Variants in ENDOU observed in about 807,000 individuals in gnomAD.
ENDOU encodes the protein endonuclease, poly(U) specific.
ENDOU carries 49 observed loss-of-function variants against 54.2 expected under a neutral mutation model. The ratio of observed to expected loss-of-function variants is 0.90; its 90% CI spans 0.72 to 1.15. The LOEUF (loss-of-function observed/expected upper bound fraction) is 1.15, where lower values mean the gene tolerates loss of function less well. ENDOU is among the 50% of genes most tolerant of loss of function. The pLI is 0.00. For missense variants in ENDOU, 458 were observed against 511.4 expected (o/e 0.90, Z 1.01); for synonymous variants, 172 against 190.5 (o/e 0.90, Z 0.80).
chr12:47,724,869 G>T (rs747522624), intron 1 of ENDOU, among the ~76,000 whole-genome samples: 2 of 152,112 alleles, frequency 1.3e-5, no homozygotes, highest in Non-Finnish European at 2.9e-5. Context: ...CCTGGTCAAA[G>T]GTCCTTTCAG....
chr12:47,711,807 G>T (rs1399411214), intron 8 of ENDOU, 32 bp from the exon 9 acceptor site: 3 of 1,613,160 alleles, frequency 1.9e-6, no homozygotes, highest in Non-Finnish European at 2.5e-6. Context: ...AGGGGGTCTG[G>T]TGAGTGCCAC....
Position 47,713,302 on chromosome 12 carries a change from A to G in ENDOU, c.838T>C (p.Ser280Pro), listed in dbSNP as rs747065792. 4 of 1,613,252 alleles carry G rather than the reference A, an allele frequency of 2.5e-6. No individual in the cohort carries two copies. The highest frequency in any genetic ancestry group is 3.4e-6 in the Non-Finnish European group (4 of 1,179,218). ...GAGAAGACATGTTCAAAGCCACTCG[A>G]GTCCCCCTCTTCATTGCCTCTTGAA... is the stretch of plus-strand genomic sequence containing the variant. ...LYSRGNEEGD[S>P]SGFEHVFSGE... Residue 280 changes from serine (S) to proline (P), a missense_variant, in exon 7 of 10, where the codon TCG becomes CCG. Coordinates refer to ENST00000422538, the MANE Select transcript of ENDOU (RefSeq NM_001172439.2).
In ENDOU at chr12:47,710,772, C is replaced by A. The variant is rs377219240; in HGVS notation, c.*30G>T. The A allele has an allele frequency of 1.0e-5, 15 of 1,464,868 alleles. No homozygotes were observed. The East Asian group carries it at 3.2e-4, about 31-fold the overall frequency. The allele number at this position is 1,464,868 out of a possible 1,614,324, so 90.7% of individuals were successfully genotyped here. A position where few individuals can be genotyped will look rare whatever the true frequency, so the allele number is the denominator to read the frequency against. The stretch of plus-strand genomic sequence containing the variant: ...GATAGCACTTCAGTCTCGCAAGAGC[C>A]CTCATGCCCCTTTCTGGCTCGAAGT... On this transcript the variant is annotated 3_prime_UTR_variant, in exon 10 of 10. Coordinates refer to ENST00000422538, the MANE Select transcript of ENDOU (RefSeq NM_001172439.2).
intron 1 of ENDOU, among the ~76,000 whole-genome samples, chr12:47,723,330 A>C (rs559968083): frequency 2.1e-4 from 32 of 152,262 alleles, no homozygotes; most frequent in African/African-American, 7.2e-4. Flanking sequence ...ACTTTTCCTC[A>C]TAGGCACTTT....
At chr12:47,723,509 C>T (rs1940498789) in intron 1 of ENDOU, among the ~76,000 whole-genome samples, 1 of 152,220 alleles carries the variant, frequency 6.6e-6, no homozygotes, top group Admixed American at 6.5e-5. Context: ...CTCTGCCTCA[C>T]CTCTCTGACT....
rs759823766 is a variant in ENDOU at position 47,711,672 on chromosome 12, G to A, written c.1076C>T (p.Ala359Val). 14 of 1,614,002 alleles carry A rather than the reference G, an allele frequency of 8.7e-6. No homozygotes were observed. Among genetic ancestry groups the A allele is most frequent in the Admixed American group, 5.0e-5 (3 of 60,010 alleles). ...GGCGATGAAGCACAGGGAGTAGAGT[G>A]CAAACTCAAACTCAGGGCTGCTGCC... ...FIGSSPEFEF[A>V]LYSLCFIARP... The change falls in exon 9 of 10, where the codon GCA becomes GTA. Residue 359 changes from alanine (A) to valine (V), a missense_variant. Coordinates refer to ENST00000422538, the MANE Select transcript of ENDOU (RefSeq NM_001172439.2).
At chr12:47,720,204 AT>A (rs1324490827) in intron 2 of ENDOU, 1 of 152,218 alleles carries the variant, frequency 6.6e-6, no homozygotes, top group Non-Finnish European at 1.5e-5. Flanking sequence ...TCAAGTATTC[AT>A]TTAAAACTAT....
chr12:47,716,929 G>A lies in ENDOU; in HGVS notation c.512C>T (p.Pro171Leu), dbSNP rs779945426. 1.1e-5 allele frequency: 18 copies of A among 1,614,080 alleles called. No homozygotes were observed. Among genetic ancestry groups the A allele is most frequent in the Middle Eastern group, 3.3e-4 (2 of 6,072 alleles). The stretch of plus-strand genomic sequence containing the variant: ...ATCCACTTGGTTTCTGGTCTCTGAC[G>A]GGGAGATGCAGTTTTGGCTATTGAG... ...IVLNSQNCIS[P>L]SETRNQVDRC... is the part of the protein sequence containing the mutation. The change falls in exon 5 of 10, where the codon CCG becomes CTG. Residue 171 changes from proline to leucine, a missense_variant. Transcript: ENST00000422538.
rs144827405 is a variant in ENDOU, at chr12:47,717,522, G to T, written c.378C>A (p.Asp126Glu). ...CTAAGGGAGCAGAAGACTAACCGTG[G>T]TCACTACACAGGCTCTCAAAATCCT... is the stretch of plus-strand genomic sequence containing the variant. The part of the protein sequence containing the change: ...CCKDFESLCS[D>E]HEVSHSSDAI... Residue 126 changes from aspartate to glutamate, a missense_variant, in exon 4 of 10, where the codon GAC becomes GAA. Physicochemically the swap from Asp to Glu is conservative, Grantham distance 45. Transcript: ENST00000422538. 4.6e-5 allele frequency: 74 copies of T among 1,614,016 alleles called. No individual in the cohort carries two copies. The African/African-American group carries it at 8.7e-4, about 19-fold the overall frequency.
chr12:47,711,739 T>C lies in ENDOU; in HGVS notation c.1009A>G (p.Asn337Asp), dbSNP rs1412744584. ...ACTTCCTTATAGTAGCCGTCCCAGTTGAACTGCATTGCCAGCACATCGGGG... is the reference window on the plus strand; with the variant it reads ...ACTTCCTTATAGTAGCCGTCCCAGTCGAACTGCATTGCCAGCACATCGGGG... ...SYPDVLAMQF[N>D]WDGYYKEVGS... Residue 337 changes from asparagine (N) to aspartate (D), a missense_variant, in exon 9 of 10, where the codon AAC becomes GAC. Coordinates refer to ENST00000422538, the MANE Select transcript of ENDOU (RefSeq NM_001172439.2). 1 of 1,614,070 alleles carries C rather than the reference T, an allele frequency of 6.2e-7. No individual in the cohort carries two copies. Among genetic ancestry groups the C allele is most frequent in the East Asian group, 2.2e-5 (1 of 44,898 alleles).
chr12:47,724,958 G>A (rs894753287), intron 1 of ENDOU, among the ~76,000 whole-genome samples: 2 of 152,244 alleles, frequency 1.3e-5, no homozygotes, highest in Non-Finnish European at 2.9e-5. Flanking sequence ...CTGTCACCAG[G>A]CAGTGGAAGG....
chr12:47,716,458 G>T lies in ENDOU; in HGVS notation c.593C>A (p.Thr198Asn), dbSNP rs1565733570. ...YVNEKLFSKP[T>N]YAAFINLLNN... ...GAGGAGGTTGATGAAGGCTGCATAG[G>T]TGGGCTTGGAGAACAGCTTCTCATT... Residue 198 changes from threonine to asparagine, a missense_variant, in exon 6 of 10, where the codon ACC becomes AAC. Thr to Asn is a moderately conservative substitution (Grantham distance 65, BLOSUM62 0). Coordinates refer to ENST00000422538, the MANE Select transcript of ENDOU (RefSeq NM_001172439.2). 6.2e-7 allele frequency: 1 copy of T among 1,613,922 alleles called. No homozygotes were observed. Among genetic ancestry groups the T allele is most frequent in the Non-Finnish European group, 8.5e-7 (1 of 1,180,062 alleles).
intron 6 of ENDOU, among the ~76,000 whole-genome samples, chr12:47,714,756 G>T (rs765963979): frequency 2.6e-5 from 4 of 152,222 alleles, no homozygotes; most frequent in African/African-American, 4.8e-5. Flanking sequence ...ATATCAGTTA[G>T]ATAGCTAAGT....
intron 1 of ENDOU, among the ~76,000 whole-genome samples, chr12:47,724,440 C>T (rs972763338): frequency 1.3e-5 from 2 of 152,210 alleles, no homozygotes; most frequent in Non-Finnish European, 2.9e-5. Context: ...GGAAGTTTCT[C>T]CCAAGAAAAT....
Position 47,710,660 on chromosome 12 carries a change from GC to G in ENDOU, c.*141del. On this transcript the variant is annotated 3_prime_UTR_variant, in exon 10 of 10. Transcript: ENST00000422538. Reference sequence around the variant, plus strand: ...TACATTTTATCTCTTTCCCATGTGGGCACTTTGGGATTTAGGAATGCTTCTC... The same window carrying G: ...TACATTTTATCTCTTTCCCATGTGGGACTTTGGGATTTAGGAATGCTTCTC... The G allele has an allele frequency of 1.5e-6, 1 of 666,114 alleles. No individual in the cohort carries two copies. The highest frequency in any genetic ancestry group is 2.6e-5 in the East Asian group (1 of 39,094). 41.3% of individuals were successfully genotyped at this position (666,114 alleles called of 1,614,324 possible).
chr12:47,710,942 C>T, intron 9 of ENDOU, 23 bp from the exon 10 acceptor site: 6 of 1,545,172 alleles, frequency 3.9e-6, no homozygotes, highest in Non-Finnish European at 5.4e-6. Flanking sequence ...AGCCTGAAAT[C>T]AGAGGAGCTC....
At chr12:47,714,999 G>T (rs1350678488) in intron 6 of ENDOU, among the ~76,000 whole-genome samples, 1 of 152,212 alleles carries the variant, frequency 6.6e-6, no homozygotes, top group Non-Finnish European at 1.5e-5. Context: ...AGGACTGAGT[G>T]CCAGGCTTTC....
In ENDOU at chr12:47,718,130, G is replaced by GCTGGCGAGGGCCTCTTCTGTCTCTT. The variant is rs1565735220; in HGVS notation, c.218_242dup (p.Ser81ArgfsTer27). 1 of 1,569,944 alleles carries GCTGGCGAGGGCCTCTTCTGTCTCTT rather than the reference G, an allele frequency of 6.4e-7. No homozygotes were observed. Among genetic ancestry groups the GCTGGCGAGGGCCTCTTCTGTCTCTT allele is most frequent in the Middle Eastern group, 1.7e-4 (1 of 5,860 alleles). On this transcript the variant is annotated frameshift_variant and splice_region_variant, in exon 3 of 10. Transcript: ENST00000422538. LOFTEE classifies it high-confidence loss of function. ...CCCCCTTTGGGGAGGCAGGCTCACT[G>GCTGGCGAGGGCCTCTTCTGTCTCTT]CTGGCGAGGGCCTCTTCTGTCTCTT...
At chr12:47,712,299 T>C (rs1238255233) in intron 8 of ENDOU, among the ~76,000 whole-genome samples, 2 of 152,132 alleles carry the variant, frequency 1.3e-5, no homozygotes, top group African/African-American at 2.4e-5. Flanking sequence ...GCCTCCTGCC[T>C]CCTGTCCCCT....
Sources: allele counts gnomAD v4.1 joint callset (sites outside exome capture counted in the v4.1 genomes callset), GRCh38; gene constraint gnomAD v4.1.1; transcripts MANE v1.5; gene names NCBI Gene and HGNC (gene_info 2026-07-23, HGNC 2026-07-21).